The following ACACA variants were observed in gnomAD, a reference collection of about 807,000 sequenced individuals.
ACACA encodes the protein acetyl-CoA carboxylase alpha.
ACACA carries 103 observed loss-of-function variants against 296.1 expected under a neutral mutation model. The observed-to-expected ratio is 0.35, with a 90% CI of 0.30 to 0.41. The LOEUF (loss-of-function observed/expected upper bound fraction) is 0.41. Among genes scored for constraint, ACACA ranks in the 10% least tolerant of loss-of-function variants. The pLI is 1.00. For missense variants in ACACA, 1,554 were observed against 2,989.7 expected (o/e 0.52, Z 11.20); for synonymous variants, 953 against 1,038.6 (o/e 0.92, Z 1.58).
chr17:37,264,042 A>T, intron 10 of ACACA, 148 bp from the exon 11 acceptor site: 1 of 661,336 alleles, frequency 1.5e-6, no homozygotes, highest in Non-Finnish European at 2.6e-6. Context: ...TGAATAAAAT[A>T]CAGTCCATGC....
Position 37,104,493 on chromosome 17 carries a change from T to C in ACACA, c.6566-6509A>G, listed in dbSNP as rs73982228. Among the ~76,000 whole-genome samples, 172 of 152,064 alleles carry C rather than the reference T, an allele frequency of 1.1e-3. 1 individual carries two copies. The highest frequency in any genetic ancestry group is 4.1e-3 in the African/African-American group (169 of 41,448). On this transcript the variant is annotated intron_variant, in intron 52 of 55. Transcript: ENST00000616317. ...GCCACAAAGCTAGGCAACAGTGGAG[T>C]TGTGATTTTGGACTAGGTAATCTGG...
chr17:37,314,584 G>T (rs1267882048), intron 3 of ACACA, among the ~76,000 whole-genome samples: 1 of 150,352 alleles, frequency 6.7e-6, no homozygotes, highest in African/African-American at 2.5e-5. Flanking sequence ...TGGGCTCCAC[G>T]ACCAGAGGCT....
At chr17:37,191,991 T>G in intron 37 of ACACA, 99 bp downstream of exon 37, 1 of 1,203,182 alleles carries the variant, frequency 8.3e-7, no homozygotes, top group Admixed American at 2.0e-5. Context: ...CTTTTTTTTA[T>G]GTTCTCTCTC....
intron 3 of ACACA, among the ~76,000 whole-genome samples, chr17:37,312,492 C>T (rs2147020617): frequency 6.6e-6 from 1 of 152,258 alleles, no homozygotes; most frequent in African/African-American, 2.4e-5. Flanking sequence ...TGTTTGGTTA[C>T]ATAAGATAAA....
chr17:37,099,639 G>A (rs1465615186), intron 52 of ACACA, among the ~76,000 whole-genome samples: 1 of 150,726 alleles, frequency 6.6e-6, no homozygotes, highest in African/African-American at 2.4e-5. Context: ...GATGGAGGGA[G>A]GGCTGATGGG....
intron 11 of ACACA, 28 bp from the exon 12 acceptor site, chr17:37,259,558 A>C: frequency 6.2e-7 from 1 of 1,613,720 alleles, no homozygotes; most frequent in Non-Finnish European, 8.5e-7. Flanking sequence ...AGCAAACATA[A>C]GTATCTCACC....
chr17:37,343,041 G>A (rs1056333371), intron 1 of ACACA, among the ~76,000 whole-genome samples: 8 of 152,026 alleles, frequency 5.3e-5, no homozygotes, highest in African/African-American at 1.7e-4. Flanking sequence ...GCAGTGGCAC[G>A]ATCTCAGCTC....
intron 26 of ACACA, 43 bp downstream of exon 26, chr17:37,226,296 T>C (rs2079542169): frequency 6.2e-6 from 9 of 1,459,512 alleles, no homozygotes; most frequent in Non-Finnish European, 7.7e-6. Context: ...GCCTGATCTA[T>C]GAAAGCCATC....
At chr17:37,122,787 G>A (rs1196648636) in intron 48 of ACACA, 160 bp from the exon 49 acceptor site, 9 of 711,568 alleles carry the variant, frequency 1.3e-5, no homozygotes, top group Admixed American at 4.0e-5. Flanking sequence ...GAGACTCTAC[G>A]GATTTGATAT....
chr17:37,394,320 C>G (rs2051001134), intron 1 of ACACA, among the ~76,000 whole-genome samples: 1 of 151,702 alleles, frequency 6.6e-6, no homozygotes, highest in Non-Finnish European at 1.5e-5. Context: ...AAACTATTCT[C>G]GTGCCTCAGC....
In ACACA at chr17:37,161,805, C is replaced by T. The variant is rs1289230200; in HGVS notation, c.5325G>A (p.Trp1775Ter). 1 of 1,612,594 alleles carries T rather than the reference C, an allele frequency of 6.2e-7. No individual in the cohort carries two copies. Among genetic ancestry groups the T allele is most frequent in the East Asian group, 2.2e-5 (1 of 44,878 alleles). Residue 1775 changes from tryptophan to a stop codon, truncating the protein, a stop_gained, in exon 42 of 56, where the codon TGG becomes TGA. Transcript: ENST00000616317. LOFTEE classifies it high-confidence loss of function. ...EEIRHMFHVA[W>*]VDPEDPYKGY... ...CCTTGTAAGGATCCTCAGGATCTAC[C>T]CAGGCCACATGAAACATATGGCGAA...
intron 52 of ACACA, among the ~76,000 whole-genome samples, chr17:37,102,223 G>A (rs1325150562): frequency 4.9e-5 from 1 of 20,218 alleles, no homozygotes; most frequent in Non-Finnish European, 9.1e-5. Context: ...TTTTTTTTTT[G>A]AGACGGAGTC....
intron 24 of ACACA, among the ~76,000 whole-genome samples, chr17:37,235,534 T>C (rs989755006): frequency 1.3e-5 from 2 of 152,200 alleles, no homozygotes; most frequent in African/African-American, 2.4e-5. Context: ...ATCATTAAAC[T>C]TGATGATCTT....
At chr17:37,127,289 T>TCTTA (rs1388170405) in intron 47 of ACACA, among the ~76,000 whole-genome samples, 15 of 152,202 alleles carry the variant, frequency 9.9e-5, no homozygotes, top group African/African-American at 3.6e-4. Context: ...ATTTTCTAAT[T>TCTTA]CTTACTTCAA....
intron 47 of ACACA, among the ~76,000 whole-genome samples, chr17:37,126,901 T>A (rs547212836): frequency 6.6e-6 from 1 of 152,316 alleles, no homozygotes; most frequent in South Asian, 2.1e-4. Flanking sequence ...CACTATCTCC[T>A]CTAATAAATG....
At chr17:37,215,482 T>C (rs2078940082) in intron 29 of ACACA, among the ~76,000 whole-genome samples, 1 of 152,236 alleles carries the variant, frequency 6.6e-6, no homozygotes, top group Admixed American at 6.5e-5. Flanking sequence ...TCATATTATA[T>C]TATACAGAGT....
intron 35 of ACACA, among the ~76,000 whole-genome samples, chr17:37,197,688 A>G (rs770754433): frequency 4.6e-5 from 7 of 152,162 alleles, no homozygotes; most frequent in African/African-American, 1.2e-4. Flanking sequence ...GTTTCTGCCA[A>G]CGCTTCCTGG....
At chr17:37,133,645 A>G (rs2075204679) in intron 45 of ACACA, among the ~76,000 whole-genome samples, 1 of 152,150 alleles carries the variant, frequency 6.6e-6, no homozygotes, top group South Asian at 2.1e-4. Context: ...GAAGTAGGTG[A>G]GCTGCATTCA....
At chr17:37,170,757 C>T (rs1251392537) in intron 41 of ACACA, among the ~76,000 whole-genome samples, 5 of 152,228 alleles carry the variant, frequency 3.3e-5, no homozygotes, top group Non-Finnish European at 7.3e-5. Flanking sequence ...CAACACTAAT[C>T]ATGACCCAAA....
Sources: allele counts gnomAD v4.1 joint callset (sites outside exome capture counted in the v4.1 genomes callset), GRCh38; gene constraint gnomAD v4.1.1; transcripts MANE v1.5; gene names NCBI Gene and HGNC (gene_info 2026-07-23, HGNC 2026-07-21).